MRTFA: variants seen among roughly 807,000 people sequenced by gnomAD.
The protein encoded by MRTFA is myocardin related transcription factor A.
In MRTFA, 20 loss-of-function variants were observed where a neutral mutation model predicts 83.5. The ratio of observed to expected loss-of-function variants is 0.24; its 90% CI spans 0.17 to 0.35. MRTFA has a LOEUF of 0.35. MRTFA is among the 10% of genes least tolerant of loss of function. MRTFA has a pLI of 1.00. For missense variants in MRTFA, 1,200 were observed against 1,224.7 expected, an observed-to-expected ratio of 0.98 and a Z score of 0.30; for synonymous variants, 659 against 541.2, an observed-to-expected ratio of 1.22 and a Z score of -3.02.
chr22:40,489,059 T>C (rs1159394064), intron 3 of MRTFA, among the ~76,000 whole-genome samples: 1 of 151,988 alleles, frequency 6.6e-6, no homozygotes, highest in Non-Finnish European at 1.5e-5. Flanking sequence ...TTCATGCAGA[T>C]GTGATTGATG....
At position 40,539,063 on chromosome 22, in the gene MRTFA, C is replaced by T. The variant is rs183202768; in HGVS notation, c.241+13043G>A. 9.2e-5 allele frequency among the ~76,000 whole-genome samples: 13 copies of T among 141,832 alleles called. No individual in the cohort carries two copies. In the Admixed American group the frequency reaches 9.7e-4, roughly 11 times the overall value. 93.0% of individuals were successfully genotyped at this position (141,832 alleles called of 152,430 possible). On this transcript the variant is annotated intron_variant, in intron 3 of 14. Transcript: ENST00000355630. ...AGGCTAAAATGCAGTGGCACAATCT[C>T]GGCTCACTGCAACCTCCGCCTCCCA...
At chr22:40,470,231 TTATATATATATATATATA>T (rs71328709) in intron 3 of MRTFA, among the ~76,000 whole-genome samples, 3,628 of 45,614 alleles carry the variant, frequency 0.08, 272 homozygotes, top group East Asian at 0.27. Context: ...CTCCAAAATT[TTATATATATATATATATA>T]TATATATATA....
At chr22:40,568,954 G>C (rs762141478) in intron 2 of MRTFA, among the ~76,000 whole-genome samples, 1 of 152,024 alleles carries the variant, frequency 6.6e-6, no homozygotes, top group African/African-American at 2.4e-5. Flanking sequence ...AATTAATCAA[G>C]GAGAAAGGAA....
chr22:40,463,558 T>A (rs780314433), intron 3 of MRTFA: 19 of 362,288 alleles, frequency 5.2e-5, no homozygotes, highest in Non-Finnish European at 9.6e-5. Flanking sequence ...GCTCAAAACC[T>A]CCAAAACACT....
chr22:40,576,802 C>T (rs550368617), intron 2 of MRTFA, among the ~76,000 whole-genome samples: 7 of 152,212 alleles, frequency 4.6e-5, no homozygotes, highest in African/African-American at 1.7e-4. Context: ...ATAATGAGGC[C>T]GGGCATGGTG....
intron 4 of MRTFA, among the ~76,000 whole-genome samples, chr22:40,457,486 G>GAAAGAAAGAAAGAA (rs750318222): frequency 7.8e-6 from 1 of 127,828 alleles, no homozygotes; most frequent in Non-Finnish European, 1.8e-5. Context: ...AAGAAAGAAA[G>GAAAGAAAGAAAGAA]AAGGAAAGAA....
In MRTFA at chr22:40,423,548, G is replaced by A. The variant is rs2052888099; in HGVS notation, c.915C>T (p.Pro305=). 6.4e-7 allele frequency: 1 copy of A among 1,561,302 alleles called. No homozygotes were observed. Among genetic ancestry groups the A allele is most frequent in the African/African-American group, 1.4e-5 (1 of 73,234 alleles). ...GGCAGAAATGTACCTTAATGAGTGT[G>A]GGGGTGGACTTGGCAGTGGGGATAG... Residue 305 remains proline, a synonymous_variant, in exon 9 of 15, where the codon CCC becomes CCT. Coordinates refer to ENST00000355630, the MANE Select transcript of MRTFA (RefSeq NM_020831.6).
At chr22:40,524,331 T>C (rs1044202936) in intron 3 of MRTFA, among the ~76,000 whole-genome samples, 1 of 152,106 alleles carries the variant, frequency 6.6e-6, no homozygotes, top group Non-Finnish European at 1.5e-5. Flanking sequence ...AATTAAAACA[T>C]TGTATACTAA....
intron 4 of MRTFA, among the ~76,000 whole-genome samples, chr22:40,459,198 G>C (rs2053650238): frequency 6.7e-6 from 1 of 148,936 alleles, no homozygotes; most frequent in Non-Finnish European, 1.5e-5. Flanking sequence ...GGGGACACAG[G>C]GTAGTGGTGA....
chr22:40,575,113 T>C (rs1427378120), intron 2 of MRTFA, among the ~76,000 whole-genome samples: 1 of 152,214 alleles, frequency 6.6e-6, no homozygotes, highest in Non-Finnish European at 1.5e-5. Flanking sequence ...GCTTAACTCC[T>C]CCATGCCTAA....
intron 1 of MRTFA, among the ~76,000 whole-genome samples, chr22:40,630,810 C>T (rs1033367822): frequency 3.9e-5 from 6 of 152,222 alleles, no homozygotes; most frequent in Non-Finnish European, 7.3e-5. Flanking sequence ...TCAAGCAATC[C>T]TCCTGTCTCA....
rs539499723 is a variant in MRTFA, at chr22:40,534,271, AG to A, written c.241+17834del. Among the ~76,000 whole-genome samples the A allele has an allele frequency of 4.5e-3, 680 of 152,324 alleles. 3 individuals carry two copies. Among genetic ancestry groups the A allele is most frequent in the Middle Eastern group, 0.024 (7 of 294 alleles). ...AGGAAGTTGAACATTTAACTACAGA[AG>A]CTCAACTATTTCTCCACCCCCACTC... On this transcript the variant is annotated intron_variant, in intron 3 of 14. Transcript: ENST00000355630.
Position 40,420,978 on chromosome 22 carries a change from CCT to C in MRTFA, c.1048_1049del (p.Arg350GlyfsTer66). On this transcript the variant is annotated frameshift_variant, in exon 10 of 15. Transcript: ENST00000355630. LOFTEE classifies it high-confidence loss of function. ...AGGATGAGTCCATGGGGGGTGCCCCCCTGTCCTGCTTCTGGTCCGGGGGGATG... is the reference window on the plus strand; with the variant it reads ...AGGATGAGTCCATGGGGGGTGCCCCCGTCCTGCTTCTGGTCCGGGGGGATG... 1 of 1,611,116 alleles carries C rather than the reference CCT, an allele frequency of 6.2e-7. No homozygotes were observed. The highest frequency in any genetic ancestry group is 8.5e-7 in the Non-Finnish European group (1 of 1,177,828).
At chr22:40,560,544 C>A (rs1418451371) in intron 2 of MRTFA, among the ~76,000 whole-genome samples, 1 of 152,046 alleles carries the variant, frequency 6.6e-6, no homozygotes, top group Non-Finnish European at 1.5e-5. Flanking sequence ...TAATTAAGTC[C>A]CCTTTACCAA....
intron 3 of MRTFA, among the ~76,000 whole-genome samples, chr22:40,543,300 G>A (rs1033744790): frequency 2.6e-5 from 4 of 152,064 alleles, no homozygotes; most frequent in African/African-American, 9.7e-5. Context: ...AACCTCTTGT[G>A]CAACATTGTG....
chr22:40,531,263 T>G (rs939551869), intron 3 of MRTFA, among the ~76,000 whole-genome samples: 1 of 99,254 alleles, frequency 1.0e-5, no homozygotes, highest in Non-Finnish European at 2.4e-5. Context: ...CATACCTGGC[T>G]TTTTTTTTTT....
Position 40,545,815 on chromosome 22 carries a change from C to T in MRTFA, c.241+6291G>A, listed in dbSNP as rs1285839065. Among the ~76,000 whole-genome samples the T allele has an allele frequency of 1.3e-5, 2 of 151,742 alleles. 1 individual carries two copies. Among genetic ancestry groups the T allele is most frequent in the South Asian group, 4.2e-4 (2 of 4,814 alleles). The stretch of plus-strand genomic sequence containing the variant: ...GTGGTGTGATCTCAGCTCACTGCAA[C>T]CTCCCTCTCCCCAGTTCAAGCGATT... On this transcript the variant is annotated intron_variant, in intron 3 of 14. Coordinates refer to ENST00000355630, the MANE Select transcript of MRTFA (RefSeq NM_020831.6).
chr22:40,479,871 T>C (rs1247313110), intron 3 of MRTFA, among the ~76,000 whole-genome samples: 1 of 152,170 alleles, frequency 6.6e-6, no homozygotes, highest in African/African-American at 2.4e-5. Flanking sequence ...ATCTGAATAC[T>C]GTCAAGGATG....
chr22:40,500,999 CGGGGCGGCTGGCCGGGCGGGGGGCTG>C (rs2054461160), intron 3 of MRTFA, among the ~76,000 whole-genome samples: 1 of 128,470 alleles, frequency 7.8e-6, no homozygotes, highest in African/African-American at 3.1e-5. Flanking sequence ...ACCTCCCGGA[CGGGGCGGCTGGCCGGGCGGGGGGCTG>C]ACCCCCCAAC....
Sources: gnomAD v4.1 joint callset for allele counts (sites outside exome capture counted in the v4.1 genomes callset) on GRCh38, gnomAD v4.1.1 for gene constraint, MANE v1.5 for transcripts, NCBI Gene and HGNC (gene_info 2026-07-23, HGNC 2026-07-21) for gene names.